SPRED2: variants seen among roughly 807,000 people sequenced by gnomAD.
SPRED2 encodes sprouty related EVH1 domain containing 2.
In SPRED2, 47 loss-of-function variants were observed where a neutral mutation model predicts 43.0. The ratio of observed to expected loss-of-function variants is 1.09; its 90% CI spans 0.87 to 1.40. SPRED2 has a LOEUF of 1.40. Ranked by LOEUF, SPRED2 falls within the 40% of genes most tolerant of loss-of-function variation. The pLI, the probability that SPRED2 is intolerant of heterozygous loss-of-function variation, is 0.00. For synonymous variants in SPRED2, 225 were observed against 225.7 expected (o/e 1.00, Z 0.03); for missense variants, 561 against 586.4 (o/e 0.96, Z 0.45).
chr2:65,376,025 T>C (rs1675228631), intron 1 of SPRED2, among the ~76,000 whole-genome samples: 1 of 152,180 alleles, frequency 6.6e-6, no homozygotes, highest in South Asian at 2.1e-4. Flanking sequence ...GTGCACAGAA[T>C]GCCAACAGGT....
In SPRED2 at chr2:65,332,140, A is replaced by T. The variant is rs1345848641; in HGVS notation, c.374-89T>A. On this transcript the variant is annotated intron_variant, in intron 3 of 5. Coordinates refer to ENST00000356388, the MANE Select transcript of SPRED2 (RefSeq NM_181784.3). Reference sequence around the variant, plus strand: ...AAAAAGTATATTTTAATAAAACCACATTCCATTCTTTTTGCATGTGAATTA... The same window carrying T: ...AAAAAGTATATTTTAATAAAACCACTTTCCATTCTTTTTGCATGTGAATTA... 2.2e-5 allele frequency: 17 copies of T among 788,700 alleles called. No individual in the cohort carries two copies. The South Asian group carries it at 3.4e-4, about 16-fold the overall frequency. The allele number at this position is 788,700 out of a possible 1,614,324, so 48.9% of individuals were successfully genotyped here. A position where few individuals can be genotyped will look rare whatever the true frequency, so the allele number is the denominator to read the frequency against.
In SPRED2 at chr2:65,314,189, A is replaced by T. The variant is rs771528748; in HGVS notation, c.589-20T>A. 1.3e-6 allele frequency: 2 copies of T among 1,546,916 alleles called. No individual in the cohort carries two copies. The highest frequency in any genetic ancestry group is 1.7e-6 in the Non-Finnish European group (2 of 1,143,724). The stretch of plus-strand genomic sequence containing the variant: ...CATCGGCTGTCCCGTAGGAGAGGAG[A>T]CATTATTTTACAGCAGCGGCCAAAA... On this transcript the variant is annotated intron_variant, in intron 5 of 5. Transcript: ENST00000356388.
At chr2:65,320,915 C>T (rs142700400) in intron 4 of SPRED2, among the ~76,000 whole-genome samples, 1 of 152,318 alleles carries the variant, frequency 6.6e-6, no homozygotes, top group Non-Finnish European at 1.5e-5. Flanking sequence ...TATGCACATA[C>T]CTAATACACA....
intron 1 of SPRED2, among the ~76,000 whole-genome samples, chr2:65,353,078 C>G (rs914313175): frequency 2.0e-5 from 3 of 152,116 alleles, no homozygotes; most frequent in African/African-American, 7.2e-5. Context: ...TTTACAATGA[C>G]TGGGGATATG....
chr2:65,351,296 T>C (rs937562813), intron 1 of SPRED2, among the ~76,000 whole-genome samples: 2 of 152,238 alleles, frequency 1.3e-5, no homozygotes, highest in African/African-American at 4.8e-5. Context: ...AAAATAATGC[T>C]GTCCGCCATC....
intron 1 of SPRED2, among the ~76,000 whole-genome samples, chr2:65,364,209 G>C (rs1020013872): frequency 6.6e-6 from 1 of 152,150 alleles, no homozygotes; most frequent in Admixed American, 6.5e-5. Context: ...GTAAATCTAT[G>C]AATAAAAGAA....
intron 1 of SPRED2, among the ~76,000 whole-genome samples, chr2:65,382,929 G>A (rs1403584272): frequency 1.3e-5 from 2 of 152,152 alleles, no homozygotes; most frequent in South Asian, 2.1e-4. Context: ...GGGGAGGGGT[G>A]CTGCCTTGCG....
At chr2:65,370,223 T>C (rs755795452) in intron 1 of SPRED2, among the ~76,000 whole-genome samples, 5 of 152,242 alleles carry the variant, frequency 3.3e-5, no homozygotes, top group Non-Finnish European at 5.9e-5. Flanking sequence ...ATACTATTAA[T>C]AATCTTACAG....
At chr2:65,403,512 C>G (rs867593059) in intron 1 of SPRED2, among the ~76,000 whole-genome samples, 6 of 152,308 alleles carry the variant, frequency 3.9e-5, no homozygotes, top group African/African-American at 1.4e-4. Flanking sequence ...AGCAATCCCC[C>G]CACCTTGGCC....
chr2:65,417,432 C>T (rs1299989515), intron 1 of SPRED2, among the ~76,000 whole-genome samples: 1 of 151,978 alleles, frequency 6.6e-6, no homozygotes, highest in Non-Finnish European at 1.5e-5. Context: ...AAGCTTAAGA[C>T]CCCTACCTAC....
At chr2:65,396,334 C>T (rs1043768221) in intron 1 of SPRED2, among the ~76,000 whole-genome samples, 6 of 152,208 alleles carry the variant, frequency 3.9e-5, no homozygotes, top group Non-Finnish European at 8.8e-5. Context: ...TTGAAACCCA[C>T]CCACTAATTT....
chr2:65,374,887 C>A (rs1218493677), intron 1 of SPRED2, among the ~76,000 whole-genome samples: 2 of 152,242 alleles, frequency 1.3e-5, no homozygotes, highest in Admixed American at 1.3e-4. Flanking sequence ...CGAGTATCTC[C>A]TCCTCTCAGG....
chr2:65,316,806 A>C lies in SPRED2; in HGVS notation c.516T>G (p.Cys172Trp). 1 of 1,613,718 alleles carries C rather than the reference A, an allele frequency of 6.2e-7. No individual in the cohort carries two copies. Among genetic ancestry groups the C allele is most frequent in the Non-Finnish European group, 8.5e-7 (1 of 1,179,882 alleles). ...PTRTISSPTS[C>W]EHRRIYTLGH... ...CCAGGGTATAAATCCTCCGGTGCTC[A>C]CAGGATGTGGGAGAGGAGATTGTCC... Residue 172 changes from cysteine (C) to tryptophan (W), a missense_variant, in exon 5 of 6, where the codon TGT becomes TGG. By Grantham distance (215) the Cys-to-Trp change is radical (BLOSUM62 -2). This residue lies in a region of SPRED2 where 305 missense variants were observed against 282.4 expected (regional missense o/e 1.08). Transcript: ENST00000356388.
Position 65,313,312 on chromosome 2 carries a change from G to T in SPRED2, c.*189C>A. On this transcript the variant is annotated 3_prime_UTR_variant, in exon 6 of 6. Transcript: ENST00000356388. Reference sequence around the variant, plus strand: ...TGGATGTGGCTGCTGCAGTGTGGGCGGCAGGGGGAGTGGAGAGTCTACCCG... The same window carrying T: ...TGGATGTGGCTGCTGCAGTGTGGGCTGCAGGGGGAGTGGAGAGTCTACCCG... The T allele has an allele frequency of 7.0e-7, 1 of 1,435,950 alleles. No homozygotes were observed. The highest frequency in any genetic ancestry group is 9.1e-7 in the Non-Finnish European group (1 of 1,101,632). The allele number at this position is 1,435,950 out of a possible 1,614,324, so 89.0% of individuals were successfully genotyped here.
At chr2:65,428,590 CT>C (rs1676607882) in intron 1 of SPRED2, among the ~76,000 whole-genome samples, 5 of 152,204 alleles carry the variant, frequency 3.3e-5, no homozygotes, top group Admixed American at 3.3e-4. Flanking sequence ...TCTGCAATGT[CT>C]TTGAAATGGT....
chr2:65,312,653 T>C lies in SPRED2; in HGVS notation c.*848A>G. The C allele has an allele frequency of 2.0e-6, 2 of 985,888 alleles. No homozygotes were observed. The highest frequency in any genetic ancestry group is 2.4e-6 in the Non-Finnish European group (2 of 829,934). 61.1% of individuals were successfully genotyped at this position (985,888 alleles called of 1,614,324 possible). ...GGTGGCAACACAATTTAAAAAATGT[T>C]CTACTTTAGGGGTAATGGGGAGGCT... On this transcript the variant is annotated 3_prime_UTR_variant, in exon 6 of 6. Transcript: ENST00000356388.
chr2:65,404,636 C>T (rs1245881871), intron 1 of SPRED2, among the ~76,000 whole-genome samples: 9 of 152,226 alleles, frequency 5.9e-5, no homozygotes, highest in Admixed American at 4.6e-4. Flanking sequence ...AGACACCTTG[C>T]CTCCTGTGCA....
chr2:65,387,873 T>A (rs2661792), intron 1 of SPRED2, among the ~76,000 whole-genome samples: 138,461 of 151,768 alleles, frequency 0.91, 63,654 homozygotes, highest in East Asian at 1. Flanking sequence ...GTTCACTGCA[T>A]TCTCCGCCTC....
At chr2:65,342,362 G>A (rs946338389) in intron 2 of SPRED2, among the ~76,000 whole-genome samples, 2 of 144,876 alleles carry the variant, frequency 1.4e-5, no homozygotes, top group Non-Finnish European at 1.5e-5. Context: ...TTTTGTATAC[G>A]TATATTATAT....
Sources: gnomAD v4.1 joint callset for allele counts (sites outside exome capture counted in the v4.1 genomes callset) on GRCh38, gnomAD v4.1.1 for gene constraint, gnomAD v4.1.1 regional missense constraint, MANE v1.5 for transcripts, NCBI Gene and HGNC (gene_info 2026-07-23, HGNC 2026-07-21) for gene names.